The following DPYD variants were observed in gnomAD, a reference collection of about 807,000 sequenced individuals.
DPYD encodes the protein dihydropyrimidine dehydrogenase [NADP(+)].
In DPYD, 109 loss-of-function variants were observed where a neutral mutation model predicts 116.2. The ratio of observed to expected loss-of-function variants is 0.94; its 90% CI spans 0.80 to 1.10. DPYD has a LOEUF of 1.10. Ranked by LOEUF, DPYD falls within the 50% of genes least tolerant of loss-of-function variation. The probability of loss-of-function intolerance (pLI) is 0.00; values close to 1 mark genes in which losing one functional copy is unlikely to be tolerated. For missense variants in DPYD, 1,302 were observed against 1,254.5 expected (o/e 1.04, Z -0.57); for synonymous variants, 440 against 432.0 (o/e 1.02, Z -0.23).
chr1:97,445,243 G>T (rs1176259603), intron 14 of DPYD, among the ~76,000 whole-genome samples: 1 of 152,178 alleles, frequency 6.6e-6, no homozygotes, highest in Non-Finnish European at 1.5e-5. Flanking sequence ...ACAAACCATC[G>T]ACTGGTTCTG....
At chr1:97,478,198 C>A (rs1275481699) in intron 13 of DPYD, among the ~76,000 whole-genome samples, 1 of 152,134 alleles carries the variant, frequency 6.6e-6, no homozygotes, top group Non-Finnish European at 1.5e-5. Context: ...GTTCAGTAAA[C>A]CATGCTGTAA....
At chr1:97,520,615 T>C (rs948671177) in intron 12 of DPYD, among the ~76,000 whole-genome samples, 1 of 152,064 alleles carries the variant, frequency 6.6e-6, no homozygotes, top group Non-Finnish European at 1.5e-5. Context: ...CCTAATGCTA[T>C]CCCTCCCCTA....
chr1:97,506,950 TA>T (rs1476909980), intron 13 of DPYD, among the ~76,000 whole-genome samples: 1 of 152,032 alleles, frequency 6.6e-6, no homozygotes, highest in Non-Finnish European at 1.5e-5. Context: ...GACAGTGGTG[TA>T]TTCATTAGAT....
intron 16 of DPYD, among the ~76,000 whole-genome samples, chr1:97,324,787 T>A (rs755103104): frequency 6.6e-6 from 1 of 152,058 alleles, no homozygotes; most frequent in Non-Finnish European, 1.5e-5. Flanking sequence ...GTGATAAATA[T>A]CACCCAGATC....
intron 1 of DPYD, among the ~76,000 whole-genome samples, chr1:97,914,843 T>C (rs1340766898): frequency 2.6e-5 from 4 of 152,186 alleles, no homozygotes; most frequent in African/African-American, 4.8e-5. Flanking sequence ...TTTTTCACAA[T>C]AGATATATGC....
intron 18 of DPYD, among the ~76,000 whole-genome samples, chr1:97,261,293 T>C (rs779561712): frequency 2.0e-4 from 30 of 152,020 alleles, no homozygotes; most frequent in Non-Finnish European, 2.2e-4. Context: ...GGCACTGTGA[T>C]GGACACCTTT....
chr1:97,311,803 T>C (rs905028255), intron 16 of DPYD, among the ~76,000 whole-genome samples: 3 of 151,844 alleles, frequency 2.0e-5, no homozygotes, highest in Non-Finnish European at 2.9e-5. Flanking sequence ...TCATAAGGCT[T>C]AGCAAAAGAA....
At chr1:97,768,987 T>A (rs548828165) in intron 3 of DPYD, among the ~76,000 whole-genome samples, 1 of 151,784 alleles carries the variant, frequency 6.6e-6, no homozygotes, top group South Asian at 2.1e-4. Flanking sequence ...CATAAAAAAC[T>A]CGAGTATTAA....
chr1:97,772,421 C>A (rs1666192187), intron 3 of DPYD, among the ~76,000 whole-genome samples: 2 of 152,208 alleles, frequency 1.3e-5, no homozygotes, highest in Non-Finnish European at 2.9e-5. Context: ...ATCCTATCTT[C>A]TCTCCACAGA....
At chr1:97,651,824 C>G (rs1183578712) in intron 8 of DPYD, among the ~76,000 whole-genome samples, 2 of 152,048 alleles carry the variant, frequency 1.3e-5, no homozygotes, top group Non-Finnish European at 2.9e-5. Context: ...AACATAAGCT[C>G]TTTTTCTATG....
At chr1:97,485,544 C>T (rs1240949026) in intron 13 of DPYD, among the ~76,000 whole-genome samples, 2 of 152,068 alleles carry the variant, frequency 1.3e-5, no homozygotes, top group Non-Finnish European at 2.9e-5. Flanking sequence ...TTTTCCATGT[C>T]ATTTAATATT....
chr1:97,458,759 T>C (rs1676848441), intron 13 of DPYD, among the ~76,000 whole-genome samples: 1 of 152,204 alleles, frequency 6.6e-6, no homozygotes, highest in African/African-American at 2.4e-5. Context: ...AATCTTAACC[T>C]GTGTGAGCCC....
chr1:97,643,408 T>C (rs936074216), intron 8 of DPYD, among the ~76,000 whole-genome samples: 4 of 152,124 alleles, frequency 2.6e-5, no homozygotes, highest in Non-Finnish European at 5.9e-5. Context: ...CCAGTTAGAA[T>C]GGCAATCATT....
chr1:97,192,364 A>T (rs1486860422), intron 20 of DPYD, among the ~76,000 whole-genome samples: 3 of 151,848 alleles, frequency 2.0e-5, no homozygotes, highest in Non-Finnish European at 2.9e-5. Flanking sequence ...AAAGTTAATT[A>T]TTGATGTAGT....
At chr1:97,583,953 G>T (rs1376684085) in intron 10 of DPYD, among the ~76,000 whole-genome samples, 1 of 151,948 alleles carries the variant, frequency 6.6e-6, no homozygotes, top group Non-Finnish European at 1.5e-5. Flanking sequence ...TGGGTCAAAT[G>T]GTATTTCTAG....
At chr1:97,313,811 T>C (rs775267250) in intron 16 of DPYD, among the ~76,000 whole-genome samples, 8 of 151,972 alleles carry the variant, frequency 5.3e-5, no homozygotes, top group Non-Finnish European at 1.2e-4. Flanking sequence ...CAGTGTTTTA[T>C]AGTCATCTTC....
At chr1:97,215,115 A>G (rs1291683593) in intron 19 of DPYD, among the ~76,000 whole-genome samples, 1 of 152,198 alleles carries the variant, frequency 6.6e-6, no homozygotes, top group African/African-American at 2.4e-5. Flanking sequence ...TGCTTCAGAT[A>G]CTGTATGAGG....
intron 20 of DPYD, among the ~76,000 whole-genome samples, chr1:97,100,537 C>T (rs1438210130): frequency 6.6e-6 from 1 of 152,026 alleles, no homozygotes; most frequent in Non-Finnish European, 1.5e-5. Context: ...AAAATCGGAA[C>T]CATTATTTTC....
chr1:97,777,717 T>C (rs886896607), intron 3 of DPYD, among the ~76,000 whole-genome samples: 4 of 152,176 alleles, frequency 2.6e-5, no homozygotes, highest in African/African-American at 9.6e-5. Flanking sequence ...TGCTTTAATG[T>C]TGATATATGG....
Sources: allele counts gnomAD v4.1 joint callset (sites outside exome capture counted in the v4.1 genomes callset), GRCh38; gene constraint gnomAD v4.1.1; transcripts MANE v1.5; gene names NCBI Gene and HGNC (gene_info 2026-07-23, HGNC 2026-07-21).